Variants in TMEM114 observed in about 807,000 individuals in gnomAD.
TMEM114 encodes claudin-26.
Under a neutral mutation model 6.2 loss-of-function variants are expected in TMEM114, and 6 were observed. The observed-to-expected ratio is 0.97, with a 90% confidence interval of 0.53 to 1.91. TMEM114 has a LOEUF of 1.91. TMEM114 is among the 40% of genes most tolerant of loss of function. The probability of loss-of-function intolerance (pLI) is 0.01; values close to 1 mark genes in which losing one functional copy is unlikely to be tolerated. For synonymous variants in TMEM114, 104 were observed against 73.0 expected (o/e 1.42, Z -2.16); for missense variants, 218 against 158.3 (o/e 1.38, Z -2.02).
downstream of TMEM114, chr16:8,569,387 A>G (rs79943255): frequency 4.9e-3 from 4,735 of 970,926 alleles, 193 homozygotes; most frequent in African/African-American, 0.077. Context: ...CCCAGGAGGT[A>G]GGGCACCCTC....
rs1377589754 is a variant in TMEM114, at chr16:8,546,218, G to A, written n.213-8392C>T. On this transcript the variant is annotated intron_variant and non_coding_transcript_variant, in intron 2 of 2. Transcript: ENST00000623677. ...AGAACACTTTTACATGCACCACGAT[G>A]TTTCAGACTGATTGTGTATACTTTA... Among the ~76,000 whole-genome samples, 3 of 152,190 alleles carry A rather than the reference G, an allele frequency of 2.0e-5. No individual in the cohort carries two copies. The East Asian group carries it at 5.8e-4, about 29-fold the overall frequency.
intron 2 of TMEM114, among the ~76,000 whole-genome samples, chr16:8,538,516 G>GA (rs1900427028): frequency 6.7e-6 from 1 of 150,310 alleles, no homozygotes; most frequent in Non-Finnish European, 1.5e-5. Context: ...TTTGTTTTTT[G>GA]TTTTTTTTTG....
At chr16:8,561,690 C>T (rs745835873) in intron 2 of TMEM114, among the ~76,000 whole-genome samples, 26 of 151,624 alleles carry the variant, frequency 1.7e-4, no homozygotes, top group Middle Eastern at 3.4e-3. Flanking sequence ...AATGAGTGAG[C>T]GAGTGAATAA....
chr16:8,585,493 C>T lies in TMEM114; in HGVS notation c.301+3720G>A, dbSNP rs141308855. ...TGAACTTAGAGAACATGCTGCTTGT[C>T]GAACGTGCTGCTTGTCAGCTAGCTT... On this transcript the variant is annotated intron_variant, in intron 2 of 3. Coordinates refer to ENST00000620492, the MANE Select transcript of TMEM114 (RefSeq NM_001146336.2). Among the ~76,000 whole-genome samples, 691 of 152,242 alleles carry T rather than the reference C, an allele frequency of 4.5e-3. 8 individuals carry two copies. The highest frequency in any genetic ancestry group is 0.016 in the African/African-American group (654 of 41,534).
At chr16:8,570,743 G>A (rs899012548) in intron 3 of TMEM114, among the ~76,000 whole-genome samples, 1 of 152,096 alleles carries the variant, frequency 6.6e-6, no homozygotes, top group Non-Finnish European at 1.5e-5. Flanking sequence ...GGCCCACGGT[G>A]GTTCTCCACA....
downstream of TMEM114, chr16:8,569,495 C>G (rs1053532001): frequency 5.9e-6 from 8 of 1,352,800 alleles, no homozygotes; most frequent in Non-Finnish European, 7.6e-6. Flanking sequence ...CTGTAAAGCT[C>G]TGTGTGTGAT....
At chr16:8,536,829 G>A (rs751680513), downstream of TMEM114, among the ~76,000 whole-genome samples, 5 of 152,128 alleles carry the variant, frequency 3.3e-5, no homozygotes, top group Non-Finnish European at 5.9e-5. Context: ...AAAAGGCAGA[G>A]CAGGTGTGAA....
downstream of TMEM114, among the ~76,000 whole-genome samples, chr16:8,536,151 G>C (rs1475722947): frequency 6.6e-6 from 1 of 151,782 alleles, no homozygotes; most frequent in Non-Finnish European, 1.5e-5. Context: ...CTTGAACCTG[G>C]GAGGCGGAGG....
chr16:8,584,123 G>A (rs1902241413), intron 2 of TMEM114, among the ~76,000 whole-genome samples: 1 of 152,192 alleles, frequency 6.6e-6, no homozygotes, highest in Non-Finnish European at 1.5e-5. Context: ...TTAGCTGAAA[G>A]CAGAACCCAA....
rs529981642 is a variant in TMEM114, at chr16:8,579,173, C to T, written c.302-6949G>A. ...TGTTTGTGACTGCTTCATTATCATG[C>T]TGTTCAAAGAGCTGCTCAGTGGGGA... is the stretch of plus-strand genomic sequence containing the variant. On this transcript the variant is annotated intron_variant, in intron 2 of 3. Transcript: ENST00000620492. Among the ~76,000 whole-genome samples, 3 of 152,280 alleles carry T rather than the reference C, an allele frequency of 2.0e-5. No homozygotes were observed. The South Asian group carries it at 6.2e-4, about 32-fold the overall frequency.
chr16:8,572,201 G>A lies in TMEM114; in HGVS notation c.325C>T (p.Leu109=). Residue 109 remains leucine (L), a synonymous_variant, in exon 3 of 4, where the codon CTG becomes TTG. Transcript: ENST00000620492. The stretch of plus-strand genomic sequence containing the variant: ...ATCAGGATCAGGCTGAGCGGCAGCA[G>A]AATCACAAATGTCCCATGCATGGCT... ...LLTMHGTFVI[L]LPLSLILMVF... is the part of the protein sequence containing the mutation. The A allele has an allele frequency of 2.6e-6, 4 of 1,551,680 alleles. No homozygotes were observed. Among genetic ancestry groups the A allele is most frequent in the Non-Finnish European group, 3.5e-6 (4 of 1,146,986 alleles).
rs373910003 is a variant in TMEM114, at chr16:8,547,298, C to CT, written n.213-9473dup. Among the ~76,000 whole-genome samples, 568 of 152,240 alleles carry CT rather than the reference C, an allele frequency of 3.7e-3. 7 individuals carry two copies. The highest frequency in any genetic ancestry group is 0.013 in the African/African-American group (550 of 41,546). ...TCTCCAAAGGGGTTAAGCAAGAACT[C>CT]TAGACCAGATTTTGTCTCCGTGGAG... On this transcript the variant is annotated intron_variant and non_coding_transcript_variant, in intron 2 of 2. Coordinates refer to the TMEM114 transcript ENST00000623677.
chr16:8,564,742 G>A (rs960816552), downstream of TMEM114, among the ~76,000 whole-genome samples: 1 of 118,420 alleles, frequency 8.4e-6, no homozygotes, highest in Non-Finnish European at 1.8e-5. Context: ...AGGGAGGGAG[G>A]GAATGAGTGA....
At chr16:8,534,606 C>G (rs1214010526), downstream of TMEM114, among the ~76,000 whole-genome samples, 1 of 152,148 alleles carries the variant, frequency 6.6e-6, no homozygotes, top group African/African-American at 2.4e-5. Context: ...TGGGATAACA[C>G]ACACAAGTGC....
At chr16:8,581,187 C>A (rs1445107722) in intron 2 of TMEM114, among the ~76,000 whole-genome samples, 1 of 152,180 alleles carries the variant, frequency 6.6e-6, no homozygotes, top group African/African-American at 2.4e-5. Context: ...TGACATCCTG[C>A]TGCCCATAAC....
chr16:8,568,500 G>A (rs1013267495), downstream of TMEM114, among the ~76,000 whole-genome samples: 2 of 152,226 alleles, frequency 1.3e-5, no homozygotes, highest in African/African-American at 2.4e-5. Context: ...CGACTGGCAT[G>A]GAGAATAGCA....
intron 2 of TMEM114, among the ~76,000 whole-genome samples, chr16:8,578,718 C>T (rs547820597): frequency 6.6e-6 from 1 of 152,306 alleles, no homozygotes; most frequent in East Asian, 1.9e-4. Flanking sequence ...GTGGCCCACA[C>T]CTGTAATCCC....
chr16:8,585,288 G>C (rs544301470), intron 2 of TMEM114, among the ~76,000 whole-genome samples: 229 of 152,278 alleles, frequency 1.5e-3, no homozygotes, highest in Non-Finnish European at 2.7e-3. Flanking sequence ...ATTTGGGTGG[G>C]GGCACAGCCA....
chr16:8,548,321 C>G (rs1900736513), intron 2 of TMEM114, among the ~76,000 whole-genome samples: 1 of 152,198 alleles, frequency 6.6e-6, no homozygotes, highest in South Asian at 2.1e-4. Context: ...TGACCCATAG[C>G]AAACTCTGGC....
Sources: gnomAD v4.1 joint callset for allele counts (sites outside exome capture counted in the v4.1 genomes callset) on GRCh38, gnomAD v4.1.1 for gene constraint, MANE v1.5 for transcripts, NCBI Gene and HGNC (gene_info 2026-07-23, HGNC 2026-07-21) for gene names.